Variants in NTSR1 observed in about 807,000 individuals in gnomAD.
NTSR1 encodes neurotensin receptor type 1.
Under a neutral mutation model 31.2 loss-of-function variants are expected in NTSR1, and 29 were observed. The ratio of observed to expected loss-of-function variants is 0.93; its 90% CI spans 0.69 to 1.27. The LOEUF (loss-of-function observed/expected upper bound fraction) is 1.27. NTSR1 is among the 50% of genes most tolerant of loss of function. The pLI is 0.00. For missense variants in NTSR1, 697 were observed against 595.4 expected (o/e 1.17, Z -1.78); for synonymous variants, 282 against 269.9 (o/e 1.04, Z -0.44).
At chr20:62,746,112 C>T (rs1989295719) in intron 1 of NTSR1, among the ~76,000 whole-genome samples, 1 of 152,206 alleles carries the variant, frequency 6.6e-6, no homozygotes, top group Non-Finnish European at 1.5e-5. Context: ...GAGAAGGGGT[C>T]AGCCAGGGGG....
intron 1 of NTSR1, among the ~76,000 whole-genome samples, chr20:62,720,322 A>T (rs1988809603): frequency 6.6e-6 from 1 of 152,224 alleles, no homozygotes; most frequent in South Asian, 2.1e-4. Flanking sequence ...ATTTTAAAAG[A>T]TAAAGGAATA....
At chr20:62,710,163 G>C (rs1467544914) in intron 1 of NTSR1, among the ~76,000 whole-genome samples, 1 of 152,232 alleles carries the variant, frequency 6.6e-6, no homozygotes, top group African/African-American at 2.4e-5. Flanking sequence ...GTTGGTGGCT[G>C]GGCCTCGGAC....
rs1989624343 is a variant in NTSR1, at chr20:62,761,618, C to T, written c.*1351C>T. The T allele has an allele frequency of 6.6e-6, 1 of 152,260 alleles. No individual in the cohort carries two copies. Among genetic ancestry groups the T allele is most frequent in the South Asian group, 2.1e-4 (1 of 4,830 alleles). 9.4% of individuals were successfully genotyped at this position (152,260 alleles called of 1,614,324 possible). A position where few individuals can be genotyped will look rare whatever the true frequency, so the allele number is the denominator to read the frequency against. On this transcript the variant is annotated 3_prime_UTR_variant, in exon 4 of 4. Coordinates refer to ENST00000370501, the MANE Select transcript of NTSR1 (RefSeq NM_002531.3). ...CCTTTTCTTCAAGGGATTTCCCTGT[C>T]TCAGAGCAGCCTTTGCCCCAGGGAA...
chr20:62,728,433 C>A (rs1196145432), intron 1 of NTSR1, among the ~76,000 whole-genome samples: 1 of 152,198 alleles, frequency 6.6e-6, no homozygotes, highest in Non-Finnish European at 1.5e-5. Flanking sequence ...ACAGACGTCC[C>A]CGCAGGAGGG....
chr20:62,755,239 C>CTCTCCCT (rs1989468050), intron 2 of NTSR1, among the ~76,000 whole-genome samples: 1 of 129,436 alleles, frequency 7.7e-6, no homozygotes, highest in African/African-American at 2.9e-5. Context: ...CTCCTTCCCT[C>CTCTCCCT]CATTCACTCC....
chr20:62,759,305 G>T (rs1485092463), intron 3 of NTSR1, among the ~76,000 whole-genome samples: 1 of 152,288 alleles, frequency 6.6e-6, no homozygotes, highest in South Asian at 2.1e-4. Context: ...GCAACAAGCT[G>T]AGGGCAAGGT....
At position 62,715,630 on chromosome 20, in the gene NTSR1, C is replaced by G. The variant is rs955940668; in HGVS notation, c.714+5709C>G. Reference sequence around the variant, plus strand: ...ACAGCTCTGCATTGTGACCCGGGGTCAGCTCTCCCGGGCTGTCCTGCACTT... The same window carrying G: ...ACAGCTCTGCATTGTGACCCGGGGTGAGCTCTCCCGGGCTGTCCTGCACTT... On this transcript the variant is annotated intron_variant, in intron 1 of 3. Coordinates refer to ENST00000370501, the MANE Select transcript of NTSR1 (RefSeq NM_002531.3). The surrounding 1 kb of genome is among the most constrained non-coding windows in gnomAD (Gnocchi z 4.7). Among the ~76,000 whole-genome samples the G allele has an allele frequency of 3.3e-5, 5 of 152,224 alleles. No homozygotes were observed. The highest frequency in any genetic ancestry group is 7.4e-5 in the Non-Finnish European group (5 of 68,024).
chr20:62,755,011 C>T (rs1156827098), intron 2 of NTSR1, 125 bp downstream of exon 2: 2 of 913,920 alleles, frequency 2.2e-6, no homozygotes, highest in South Asian at 1.7e-5. Context: ...CAGGCCAAGA[C>T]CCAAGGGTGC....
intron 1 of NTSR1, among the ~76,000 whole-genome samples, chr20:62,721,288 G>T (rs1428419815): frequency 1.3e-5 from 2 of 152,198 alleles, no homozygotes; most frequent in African/African-American, 4.8e-5. Context: ...CTGCTTTAAA[G>T]TCTTTGTCTG....
chr20:62,716,591 T>A, intron 1 of NTSR1, among the ~76,000 whole-genome samples: 1 of 152,244 alleles, frequency 6.6e-6, no homozygotes. Context: ...TCAGCGCGTG[T>A]TAGTCCTGCC....
rs535340545 is a variant in NTSR1 at position 62,742,330 on chromosome 20, C to G, written c.715-12355C>G. On this transcript the variant is annotated intron_variant, in intron 1 of 3. Coordinates refer to ENST00000370501, the MANE Select transcript of NTSR1 (RefSeq NM_002531.3). The surrounding 1 kb of genome is among the most constrained non-coding windows in gnomAD (Gnocchi z 7.1). ...CTCCTCCTCAGGCCAGGTCTGTGGT[C>G]ACTGCTGACCACGCGGCAATGTACG... Among the ~76,000 whole-genome samples, 6 of 149,402 alleles carry G rather than the reference C, an allele frequency of 4.0e-5. 2 individuals carry two copies. Among genetic ancestry groups the G allele is most frequent in the African/African-American group, 1.5e-4 (6 of 40,008 alleles).
At chr20:62,717,084 G>A (rs1368803644) in intron 1 of NTSR1, among the ~76,000 whole-genome samples, 3 of 152,228 alleles carry the variant, frequency 2.0e-5, no homozygotes, top group Admixed American at 6.5e-5. Context: ...GGCCCAGAGC[G>A]GGGCAAGGCG....
rs191773203 is a variant in NTSR1, at chr20:62,725,118, C to G, written c.714+15197C>G. Among the ~76,000 whole-genome samples the G allele has an allele frequency of 5.5e-3, 840 of 152,358 alleles. 19 individuals are homozygous for G. The highest frequency in any genetic ancestry group is 0.035 in the South Asian group (171 of 4,832). ...CCTCCTCTCCCGGCAGACAAGTGCT[C>G]CCCAAGGCACAGGATGGGGCTCCCT... On this transcript the variant is annotated intron_variant, in intron 1 of 3. Transcript: ENST00000370501.
At chr20:62,718,997 C>CT (rs1988784015) in intron 1 of NTSR1, among the ~76,000 whole-genome samples, 1 of 152,130 alleles carries the variant, frequency 6.6e-6, no homozygotes, top group South Asian at 2.1e-4. Flanking sequence ...AAGCAGTGGT[C>CT]ACTCTGCATC....
rs904832636 is a variant in NTSR1 at position 62,743,793 on chromosome 20, G to A, written c.715-10892G>A. On this transcript the variant is annotated intron_variant, in intron 1 of 3. Coordinates refer to ENST00000370501, the MANE Select transcript of NTSR1 (RefSeq NM_002531.3). The surrounding 1 kb of genome is among the most constrained non-coding windows in gnomAD (Gnocchi z 7.5). ...AAGGCAGAATACAAAACAAGCAATTGCTCTCGAAGAGCGAGGTGAGAACGC... is the reference window on the plus strand; with the variant it reads ...AAGGCAGAATACAAAACAAGCAATTACTCTCGAAGAGCGAGGTGAGAACGC... Among the ~76,000 whole-genome samples, 6 of 152,044 alleles carry A rather than the reference G, an allele frequency of 3.9e-5. No individual in the cohort carries two copies. The highest frequency in any genetic ancestry group is 7.3e-5 in the Non-Finnish European group (5 of 68,034).
chr20:62,709,044 C>CGTGTGG lies in NTSR1; in HGVS notation c.-162_-161insGTGGGT. The CGTGTGG allele has an allele frequency of 2.0e-6, 1 of 500,522 alleles. No individual in the cohort carries two copies. Among genetic ancestry groups the CGTGTGG allele is most frequent in the Non-Finnish European group, 3.3e-6 (1 of 299,968 alleles). 31.0% of individuals were successfully genotyped at this position (500,522 alleles called of 1,614,324 possible). A position where few individuals can be genotyped will look rare whatever the true frequency, so the allele number is the denominator to read the frequency against. ...CCGGAGCCCGGAGCCCGGGGCGGCG[C>CGTGTGG]GTCTGGGTCTGGCGCTTCCCGACTG... is the stretch of plus-strand genomic sequence containing the variant. On this transcript the variant is annotated 5_prime_UTR_variant, in exon 1 of 4. Coordinates refer to ENST00000370501, the MANE Select transcript of NTSR1 (RefSeq NM_002531.3).
At position 62,754,907 on chromosome 20, in the gene NTSR1, C is replaced by T. The variant is rs1989458500; in HGVS notation, c.916+21C>T. On this transcript the variant is annotated intron_variant, in intron 2 of 3. Transcript: ENST00000370501. ...CCTACGTACGTAACCTCTGGGCCCT[C>T]CAGGGGCGGGAGGCAGGCCAGGGCT... 1.9e-6 allele frequency: 3 copies of T among 1,567,582 alleles called. No individual in the cohort carries two copies. The South Asian group carries it at 3.4e-5, about 18-fold the overall frequency.
At chr20:62,746,419 T>C (rs1372089898) in intron 1 of NTSR1, among the ~76,000 whole-genome samples, 1 of 152,220 alleles carries the variant, frequency 6.6e-6, no homozygotes, top group East Asian at 1.9e-4. Context: ...GGTGGTTCTT[T>C]CAGTGGTCTC....
intron 1 of NTSR1, among the ~76,000 whole-genome samples, chr20:62,726,110 G>A (rs1052003029): frequency 5.9e-5 from 9 of 152,290 alleles, no homozygotes; most frequent in South Asian, 2.1e-4. Context: ...CCGGGTCACC[G>A]GCAGCTCCAT....
Sources: allele counts gnomAD v4.1 joint callset (sites outside exome capture counted in the v4.1 genomes callset), GRCh38; gene constraint gnomAD v4.1.1; non-coding constraint Gnocchi (gnomAD v3.1); transcripts MANE v1.5; gene names NCBI Gene and HGNC (gene_info 2026-07-23, HGNC 2026-07-21).